The following RPL26L1 variants were observed in gnomAD, a reference collection of about 807,000 sequenced individuals.
RPL26L1 encodes ribosomal protein L26 like 1.
A neutral mutation model predicts 15.2 loss-of-function variants in RPL26L1; 8 were observed. The ratio of observed to expected loss-of-function variants is 0.53; its 90% CI spans 0.31 to 0.95. The LOEUF (loss-of-function observed/expected upper bound fraction) is 0.95, where lower values mean the gene tolerates loss of function less well. Among genes scored for constraint, RPL26L1 ranks in the 40% least tolerant of loss-of-function variants. RPL26L1 has a pLI of 0.05. For missense variants in RPL26L1, 146 were observed against 190.9 expected (o/e 0.76, Z 1.39); for synonymous variants, 51 against 65.9 (o/e 0.77, Z 1.09).
chr5:172,964,512 C>G (rs1755376240), intron 2 of RPL26L1, among the ~76,000 whole-genome samples: 1 of 152,074 alleles, frequency 6.6e-6, no homozygotes, highest in African/African-American at 2.4e-5. Context: ...TCTCGAACTC[C>G]TGACCTCAGG....
chr5:172,967,954 T>C (rs937606789), intron 2 of RPL26L1, among the ~76,000 whole-genome samples: 5 of 151,826 alleles, frequency 3.3e-5, no homozygotes, highest in African/African-American at 9.7e-5. Context: ...CACACACACA[T>C]ACACTCATAT....
chr5:172,961,769 G>A (rs1303106927), intron 2 of RPL26L1, among the ~76,000 whole-genome samples: 2 of 152,210 alleles, frequency 1.3e-5, no homozygotes, highest in Non-Finnish European at 2.9e-5. Context: ...AATGTCTGCT[G>A]TGTGCTAACA....
At chr5:172,966,306 GCTAA>G (rs1343546699) in intron 2 of RPL26L1, among the ~76,000 whole-genome samples, 2 of 135,822 alleles carry the variant, frequency 1.5e-5, no homozygotes, top group African/African-American at 5.3e-5. Context: ...ACCATGTCTG[GCTAA>G]CTATTTTTTT....
intron 1 of RPL26L1, 193 bp downstream of exon 1, chr5:172,959,661 T>C (rs2113523492): frequency 8.7e-7 from 1 of 1,149,252 alleles, no homozygotes; most frequent in Non-Finnish European, 1.2e-6. Flanking sequence ...ACGACCCCTT[T>C]AGACGGGCAT....
At chr5:172,967,001 GCCC>G (rs1561758459) in intron 2 of RPL26L1, among the ~76,000 whole-genome samples, 2 of 151,860 alleles carry the variant, frequency 1.3e-5, no homozygotes, top group East Asian at 3.9e-4. Context: ...GTCTACAGGC[GCCC>G]ACCACCACGC....
upstream of RPL26L1, among the ~76,000 whole-genome samples, chr5:172,954,520 A>G (rs1435694301): frequency 6.6e-6 from 1 of 151,940 alleles, no homozygotes; most frequent in Non-Finnish European, 1.5e-5. Flanking sequence ...GGCTGCAGTG[A>G]ACCAAGATCT....
intron 2 of RPL26L1, among the ~76,000 whole-genome samples, chr5:172,966,228 C>T (rs983614100): frequency 6.6e-6 from 1 of 151,292 alleles, no homozygotes; most frequent in Non-Finnish European, 1.5e-5. Flanking sequence ...GCTGCAGACT[C>T]AACCTCCTGG....
intron 2 of RPL26L1, among the ~76,000 whole-genome samples, chr5:172,964,180 G>T (rs554764397): frequency 2.6e-4 from 40 of 151,666 alleles, no homozygotes; most frequent in Middle Eastern, 3.5e-3. Context: ...TTGCTTTGCT[G>T]CCCAGGCTGG....
At chr5:172,958,784 G>A (rs1330803620), upstream of RPL26L1, 4 of 230,510 alleles carry the variant, frequency 1.7e-5, no homozygotes, top group African/African-American at 2.2e-5. Context: ...ACGGGCAGAA[G>A]GGCCAAGAGG....
upstream of RPL26L1, among the ~76,000 whole-genome samples, chr5:172,954,503 T>G (rs1764310161): frequency 1.9e-4 from 28 of 145,730 alleles, no homozygotes; most frequent in East Asian, 4.1e-4. Context: ...GTGGGGGGAG[T>G]GGTGGAGGCT....
upstream of RPL26L1, chr5:172,958,192 AG>A (rs750170456): frequency 7.0e-5 from 25 of 359,416 alleles, no homozygotes; most frequent in Admixed American, 1.5e-4. Context: ...TGAACTTGGG[AG>A]GCGGAGGTTG....
intron 2 of RPL26L1, among the ~76,000 whole-genome samples, chr5:172,964,028 TG>T (rs1755348120): frequency 6.6e-6 from 1 of 152,028 alleles, no homozygotes; most frequent in South Asian, 2.1e-4. Flanking sequence ...GTTGAATGAA[TG>T]AAAAAAATTT....
At chr5:172,955,357 G>A, upstream of RPL26L1, 1 of 200,202 alleles carries the variant, frequency 5.0e-6, no homozygotes, top group Non-Finnish European at 1.0e-5. Context: ...TCGAACTCCT[G>A]ACCTCAGGTG....
chr5:172,965,592 A>G (rs1368343696), intron 2 of RPL26L1, among the ~76,000 whole-genome samples: 7 of 152,280 alleles, frequency 4.6e-5, no homozygotes, highest in African/African-American at 1.7e-4. Flanking sequence ...CAGATCTGTT[A>G]AATACCTTAT....
chr5:172,958,838 T>TGAGAGGGGCAGGGTCTAGGA (rs1755092276), upstream of RPL26L1: 1 of 114,788 alleles, frequency 8.7e-6, no homozygotes, highest in Admixed American at 8.7e-5. Flanking sequence ...GGGGACTGGA[T>TGAGAGGGGCAGGGTCTAGGA]GAGAGGGGCG....
chr5:172,959,653 GA>G, intron 1 of RPL26L1, 185 bp downstream of exon 1: 1 of 1,164,914 alleles, frequency 8.6e-7, no homozygotes, highest in Non-Finnish European at 1.1e-6. Flanking sequence ...TCTCCCCCAC[GA>G]CCCCTTTAGA....
chr5:172,956,279 A>G (rs1754971706), upstream of RPL26L1, among the ~76,000 whole-genome samples: 1 of 152,216 alleles, frequency 6.6e-6, no homozygotes, highest in Non-Finnish European at 1.5e-5. Context: ...TACTGTTCAT[A>G]TTATTGTATA....
chr5:172,955,894 T>C (rs974366102), upstream of RPL26L1: 1 of 152,192 alleles, frequency 6.6e-6, no homozygotes, highest in Non-Finnish European at 1.5e-5. Flanking sequence ...TCTGCCTGAC[T>C]CTGGGATTAC....
chr5:172,954,777 C>A, upstream of RPL26L1: 1 of 376,600 alleles, frequency 2.7e-6, no homozygotes, highest in Admixed American at 3.2e-5. Context: ...CGTTGGCATA[C>A]AACATTTAAG....
Sources: allele counts gnomAD v4.1 joint callset (sites outside exome capture counted in the v4.1 genomes callset), GRCh38; gene constraint gnomAD v4.1.1; transcripts MANE v1.5; gene names NCBI Gene and HGNC (gene_info 2026-07-23, HGNC 2026-07-21).